The following DCAKD variants were observed in gnomAD, a reference collection of about 807,000 sequenced individuals.
DCAKD encodes the protein dephospho-CoA kinase domain-containing protein.
In DCAKD, 15 loss-of-function variants were observed where a neutral mutation model predicts 18.7. The observed-to-expected ratio is 0.80, with a 90% confidence interval of 0.54 to 1.24. DCAKD has a LOEUF of 1.24. Ranked by LOEUF, DCAKD falls within the 50% of genes most tolerant of loss-of-function variation. The pLI, the probability that DCAKD is intolerant of heterozygous loss-of-function variation, is 0.00. For synonymous variants in DCAKD, 130 were observed against 133.0 expected (o/e 0.98, Z 0.16); for missense variants, 301 against 322.0 (o/e 0.93, Z 0.50).
In DCAKD at chr17:45,030,925, G is replaced by C; in HGVS notation, c.317-746C>G. The C allele has an allele frequency of 3.1e-6, 3 of 970,830 alleles. No homozygotes were observed. The South Asian group carries it at 1.4e-4, about 46-fold the overall frequency. 60.1% of individuals were successfully genotyped at this position (970,830 alleles called of 1,614,324 possible). A position where few individuals can be genotyped will look rare whatever the true frequency, so the allele number is the denominator to read the frequency against. On this transcript the variant is annotated intron_variant, in intron 3 of 4. Coordinates refer to ENST00000651974, the MANE Select transcript of DCAKD (RefSeq NM_001288655.2). ...CCCACCACAAGCCAAGGCCAGTCAAGGGCAGCACCCCCACCCACTGTGAGT... is the reference window on the plus strand; with the variant it reads ...CCCACCACAAGCCAAGGCCAGTCAACGGCAGCACCCCCACCCACTGTGAGT...
chr17:45,024,720 G>C lies in DCAKD; in HGVS notation c.409C>G (p.Arg137Gly). The change falls in exon 5 of 5, where the codon CGG becomes GGG. Residue 137 changes from arginine (R) to glycine (G), a missense_variant. By Grantham distance (125) the Arg-to-Gly change is moderately radical. Coordinates refer to ENST00000651974, the MANE Select transcript of DCAKD (RefSeq NM_001288655.2). ...MKHTVVVYCD[R>G]DTQLARLMRR... ...ATCAGCCGTGCCAGCTGTGTGTCCC[G>C]GTCGCTAAGGATAGGGCAAAAGGGC... is the stretch of plus-strand genomic sequence containing the variant. 1 of 1,571,484 alleles carries C rather than the reference G, an allele frequency of 6.4e-7. No individual in the cohort carries two copies. Among genetic ancestry groups the C allele is most frequent in the Non-Finnish European group, 8.7e-7 (1 of 1,154,360 alleles).
chr17:45,030,012 GC>G, intron 4 of DCAKD, 79 bp downstream of exon 4: 1 of 1,359,694 alleles, frequency 7.4e-7, no homozygotes. Context: ...TGGGGAAAGG[GC>G]AAAGTGCAAA....
chr17:45,053,361 G>A (rs1053917378), upstream of DCAKD, among the ~76,000 whole-genome samples: 7 of 150,664 alleles, frequency 4.6e-5, no homozygotes, highest in African/African-American at 1.2e-4. Context: ...AGGTTCAAGC[G>A]ATTCTCCTGC....
chr17:45,048,939 G>A (rs985786708), intron 1 of DCAKD, among the ~76,000 whole-genome samples: 2 of 151,892 alleles, frequency 1.3e-5, no homozygotes, highest in Non-Finnish European at 2.9e-5. Context: ...AAAATTGGCT[G>A]AGCATGGTGG....
chr17:45,037,080 C>T (rs944196817), intron 1 of DCAKD, among the ~76,000 whole-genome samples: 2 of 152,162 alleles, frequency 1.3e-5, no homozygotes, highest in African/African-American at 4.8e-5. Context: ...TGCTCATTCT[C>T]ACCCCGGAAA....
At chr17:45,047,831 A>C (rs1464815547) in intron 1 of DCAKD, among the ~76,000 whole-genome samples, 1 of 152,012 alleles carries the variant, frequency 6.6e-6, no homozygotes, top group Non-Finnish European at 1.5e-5. Context: ...CCTGAGCTCA[A>C]GTAATCTGCC....
intron 1 of DCAKD, among the ~76,000 whole-genome samples, chr17:45,044,143 C>T (rs1016928909): frequency 2.6e-5 from 4 of 152,144 alleles, no homozygotes. Flanking sequence ...GAGTACAAGC[C>T]AAGTCCATGG....
intron 1 of DCAKD, among the ~76,000 whole-genome samples, chr17:45,045,719 A>AACAG (rs1279739526): frequency 6.6e-6 from 1 of 150,436 alleles, no homozygotes; most frequent in Non-Finnish European, 1.5e-5. Flanking sequence ...GCAACAGAGC[A>AACAG]AGACTCTGTC....
intron 1 of DCAKD, among the ~76,000 whole-genome samples, chr17:45,038,583 GC>G (rs1176621914): frequency 6.6e-6 from 1 of 152,226 alleles, no homozygotes; most frequent in Non-Finnish European, 1.5e-5. Context: ...TCGATTCAGA[GC>G]CAAAGAGAAA....
At chr17:45,050,577 C>A (rs1321958712) in intron 1 of DCAKD, among the ~76,000 whole-genome samples, 1 of 152,124 alleles carries the variant, frequency 6.6e-6, no homozygotes, top group Non-Finnish European at 1.5e-5. Flanking sequence ...CACTTTCTAT[C>A]CATCTACCAG....
chr17:45,028,077 C>T (rs1007343837), intron 4 of DCAKD, among the ~76,000 whole-genome samples: 5 of 148,848 alleles, frequency 3.4e-5, no homozygotes, highest in Admixed American at 6.7e-5. Context: ...ATGCAGGTGT[C>T]GGCCCCTGCT....
intron 1 of DCAKD, among the ~76,000 whole-genome samples, chr17:45,044,738 A>AGC (rs2053527274): frequency 6.9e-6 from 1 of 145,658 alleles, no homozygotes; most frequent in African/African-American, 2.5e-5. Flanking sequence ...TAAATAAATA[A>AGC]AAGCTGTGGC....
At chr17:45,053,200 G>C (rs151149376), upstream of DCAKD, among the ~76,000 whole-genome samples, 1 of 135,188 alleles carries the variant, frequency 7.4e-6, no homozygotes, top group East Asian at 2.2e-4. Flanking sequence ...AAAAAAACTA[G>C]TTATCTAGTT....
rs1464972850 is a variant in DCAKD at position 45,044,934 on chromosome 17, C to A, written c.-115+6427G>T. 2.0e-5 allele frequency among the ~76,000 whole-genome samples: 3 copies of A among 152,156 alleles called. No individual in the cohort carries two copies. In the East Asian group the frequency reaches 5.8e-4, roughly 29 times the overall value. The stretch of plus-strand genomic sequence containing the variant: ...TGGACAGCGAGAGAAATGAGGTGTT[C>A]TACCTAGGTATGTCGACAGCAAGAG... On this transcript the variant is annotated intron_variant, in intron 1 of 4. Coordinates refer to ENST00000651974, the MANE Select transcript of DCAKD (RefSeq NM_001288655.2).
At chr17:45,035,785 C>T (rs2053283346) in intron 1 of DCAKD, among the ~76,000 whole-genome samples, 1 of 152,168 alleles carries the variant, frequency 6.6e-6, no homozygotes, top group African/African-American at 2.4e-5. Context: ...AAATAGAGTC[C>T]AGGTGCCTGG....
chr17:45,035,266 A>C (rs1475495970), intron 1 of DCAKD: 2 of 191,808 alleles, frequency 1.0e-5, no homozygotes, highest in African/African-American at 4.8e-5. Context: ...GGATCACCTG[A>C]GGTCAGGAGT....
intron 3 of DCAKD, among the ~76,000 whole-genome samples, chr17:45,033,596 C>A (rs1214287436): frequency 6.6e-6 from 1 of 152,186 alleles, no homozygotes; most frequent in Non-Finnish European, 1.5e-5. Flanking sequence ...TCCCGAGTAG[C>A]TGGGATTACA....
intron 2 of DCAKD, 34 bp from the exon 3 acceptor site, chr17:45,034,424 G>C (rs1052236595): frequency 6.2e-7 from 1 of 1,610,884 alleles, no homozygotes. Flanking sequence ...GTCACTCCCT[G>C]AAGCCTCAGG....
Position 45,034,987 on chromosome 17 carries a change from G to T in DCAKD, c.-102C>A. 1.2e-5 allele frequency: 15 copies of T among 1,228,152 alleles called. No individual in the cohort carries two copies. The highest frequency in any genetic ancestry group is 1.6e-5 in the Non-Finnish European group (14 of 856,726). 76.1% of individuals were successfully genotyped at this position (1,228,152 alleles called of 1,614,324 possible). ...CCGATGGGGGCGGTCCACCAGAGGAGTGCCAGAAGGACCTGCTTGGGAGAG... is the reference window on the plus strand; with the variant it reads ...CCGATGGGGGCGGTCCACCAGAGGATTGCCAGAAGGACCTGCTTGGGAGAG... On this transcript the variant is annotated 5_prime_UTR_variant, in exon 2 of 5. Coordinates refer to ENST00000651974, the MANE Select transcript of DCAKD (RefSeq NM_001288655.2).
Sources: gnomAD v4.1 joint callset for allele counts (sites outside exome capture counted in the v4.1 genomes callset) on GRCh38, gnomAD v4.1.1 for gene constraint, MANE v1.5 for transcripts, NCBI Gene and HGNC (gene_info 2026-07-23, HGNC 2026-07-21) for gene names.